CNBD1: variants seen among roughly 807,000 people sequenced by gnomAD.
The protein encoded by CNBD1 is cyclic nucleotide binding domain containing 1, also known as cyclic nucleotide-binding domain-containing protein 1.
In CNBD1, 71 loss-of-function variants were observed where a neutral mutation model predicts 54.4. That is an observed-to-expected ratio of 1.30 (90% CI 1.08 to 1.59). CNBD1 has a LOEUF of 1.59. Among genes scored for constraint, CNBD1 ranks in the 40% most tolerant of loss-of-function variants. CNBD1 has a pLI of 0.00. For missense variants in CNBD1, 659 were observed against 518.0 expected (o/e 1.27, Z -2.64); for synonymous variants, 182 against 170.7 (o/e 1.07, Z -0.51).
At chr8:86,983,405 G>C (rs796887568) in intron 4 of CNBD1, among the ~76,000 whole-genome samples, 51 of 152,300 alleles carry the variant, frequency 3.3e-4, no homozygotes, top group African/African-American at 1.2e-3. Flanking sequence ...TACCAGTAGA[G>C]TGGGGCACTG....
At chr8:87,290,462 A>G (rs1002638517) in intron 8 of CNBD1, among the ~76,000 whole-genome samples, 3 of 152,124 alleles carry the variant, frequency 2.0e-5, no homozygotes, top group Non-Finnish European at 4.4e-5. Context: ...TTATACACAT[A>G]TTATTTCACA....
chr8:87,427,765 T>C (rs1808074379), intron 2 of CNBD1, among the ~76,000 whole-genome samples: 1 of 152,206 alleles, frequency 6.6e-6, no homozygotes, highest in South Asian at 2.1e-4. Flanking sequence ...GCTCTTTCTG[T>C]GTTTTCACTC....
intron 4 of CNBD1, among the ~76,000 whole-genome samples, chr8:87,094,423 C>T (rs1586251946): frequency 6.7e-6 from 1 of 148,556 alleles, no homozygotes; most frequent in South Asian, 2.1e-4. Context: ...TCTTACTTTC[C>T]TTGATTTTTT....
At chr8:87,213,582 C>G (rs1436796537) in intron 5 of CNBD1, among the ~76,000 whole-genome samples, 1 of 152,118 alleles carries the variant, frequency 6.6e-6, no homozygotes, top group East Asian at 1.9e-4. Context: ...ATGGGAGAAA[C>G]AACCCCATGA....
intron 4 of CNBD1, among the ~76,000 whole-genome samples, chr8:87,041,690 T>A (rs1199636807): frequency 6.6e-6 from 1 of 152,070 alleles, no homozygotes; most frequent in Non-Finnish European, 1.5e-5. Context: ...TCCCAGCTAC[T>A]TGGGAGGCTG....
intron 4 of CNBD1, among the ~76,000 whole-genome samples, chr8:87,129,282 G>C (rs1477212220): frequency 2.8e-4 from 42 of 151,856 alleles, no homozygotes; most frequent in Admixed American, 2.7e-3. Context: ...TTACCAGAAA[G>C]CCATCTGGGC....
intron 5 of CNBD1, among the ~76,000 whole-genome samples, chr8:87,218,018 T>C (rs1182544431): frequency 6.6e-6 from 1 of 152,100 alleles, no homozygotes; most frequent in African/African-American, 2.4e-5. Context: ...GTATAGGTGC[T>C]TTGATTTATT....
chr8:87,064,830 C>T (rs1810616705), intron 4 of CNBD1, among the ~76,000 whole-genome samples: 1 of 151,858 alleles, frequency 6.6e-6, no homozygotes, highest in Non-Finnish European at 1.5e-5. Flanking sequence ...AATTTATCAT[C>T]TTTCATCACT....
intron 4 of CNBD1, among the ~76,000 whole-genome samples, chr8:87,049,028 T>C (rs1000980141): frequency 2.0e-5 from 3 of 152,222 alleles, no homozygotes; most frequent in African/African-American, 7.2e-5. Context: ...TCCCGAGGGC[T>C]GAAAAGTGTA....
At chr8:86,947,021 A>G (rs1257415020) in intron 4 of CNBD1, among the ~76,000 whole-genome samples, 1 of 152,138 alleles carries the variant, frequency 6.6e-6, no homozygotes, top group Non-Finnish European at 1.5e-5. Flanking sequence ...AATTAAGTCC[A>G]GGCTCAAGTC....
Position 86,905,127 on chromosome 8 carries a change from C to A in CNBD1, c.205C>A (p.Gln69Lys), listed in dbSNP as rs16894901. ...ATCAGCTCACGATACATTTATGAAG[C>A]AATATCCTAAAGTATTCCTGCACCA... ...ILSAHDTFMK[Q>K]YPKVFLHQKP... Residue 69 changes from glutamine to lysine, a missense_variant, in exon 3 of 11, where the codon CAA (glutamine) becomes AAA (lysine). Gln to Lys is a moderately conservative substitution (Grantham distance 53). Transcript: ENST00000518476. 6,335 of 1,612,286 alleles carry A rather than the reference C, an allele frequency of 3.9e-3. 214 individuals carry two copies. In the African/African-American group the frequency reaches 0.074, roughly 19 times the overall value.
At chr8:87,024,471 G>T (rs1809583602) in intron 4 of CNBD1, among the ~76,000 whole-genome samples, 2 of 151,614 alleles carry the variant, frequency 1.3e-5, no homozygotes, top group South Asian at 2.1e-4. Context: ...CTCCCAAGTA[G>T]CTGGGATTAC....
At chr8:87,084,878 T>G (rs1429753797) in intron 4 of CNBD1, among the ~76,000 whole-genome samples, 1 of 152,134 alleles carries the variant, frequency 6.6e-6, no homozygotes, top group Admixed American at 6.5e-5. Context: ...TTTTTCCATG[T>G]TGGTCAGGCT....
chr8:87,325,609 G>C (rs1426562046), intron 8 of CNBD1, among the ~76,000 whole-genome samples: 1 of 135,496 alleles, frequency 7.4e-6, no homozygotes, highest in African/African-American at 2.9e-5. Flanking sequence ...TGTTTTATCA[G>C]AGACTAGGAT....
chr8:86,907,147 G>A (rs550240580), intron 3 of CNBD1, among the ~76,000 whole-genome samples: 1 of 152,242 alleles, frequency 6.6e-6, no homozygotes, highest in South Asian at 2.1e-4. Flanking sequence ...TAATAGGTCT[G>A]GGAAGACCAC....
At chr8:87,221,892 A>C (rs1332441115) in intron 5 of CNBD1, among the ~76,000 whole-genome samples, 1 of 152,130 alleles carries the variant, frequency 6.6e-6, no homozygotes, top group East Asian at 1.9e-4. Flanking sequence ...AAGTTATTGC[A>C]TTATTCTAAG....
In CNBD1 at chr8:87,262,820, T is replaced by C. The variant is rs575418187; in HGVS notation, c.772-21858T>C. On this transcript the variant is annotated intron_variant, in intron 6 of 10. Transcript: ENST00000518476. The stretch of plus-strand genomic sequence containing the variant: ...TGATTGTATTCTGGTATCTTCCTTA[T>C]GATCAATTCACTTTTATAGACAGTT... 1.4e-3 allele frequency among the ~76,000 whole-genome samples: 216 copies of C among 152,324 alleles called. 1 individual carries two copies. Among genetic ancestry groups the C allele is most frequent in the Non-Finnish European group, 5.6e-4 (38 of 68,030 alleles).
At chr8:87,091,042 A>G (rs2130679097) in intron 4 of CNBD1, among the ~76,000 whole-genome samples, 1 of 150,454 alleles carries the variant, frequency 6.6e-6, no homozygotes, top group South Asian at 2.1e-4. Context: ...CGGGAGGCTG[A>G]GGCAGGAGAA....
At chr8:87,016,110 A>T (rs1466738542) in intron 4 of CNBD1, among the ~76,000 whole-genome samples, 1 of 151,996 alleles carries the variant, frequency 6.6e-6, no homozygotes, top group African/African-American at 2.4e-5. Context: ...TAACTTAAAA[A>T]TGTAAGTGCT....
Sources: allele counts gnomAD v4.1 joint callset (sites outside exome capture counted in the v4.1 genomes callset), GRCh38; gene constraint gnomAD v4.1.1; transcripts MANE v1.5; gene names NCBI Gene and HGNC (gene_info 2026-07-23, HGNC 2026-07-21).